ESRRG: variants seen among roughly 807,000 people sequenced by gnomAD.
The protein encoded by ESRRG is estrogen-related receptor gamma.
In ESRRG, 13 loss-of-function variants were observed where a neutral mutation model predicts 44.0. The observed-to-expected ratio is 0.30, with a 90% CI of 0.19 to 0.47. ESRRG has a LOEUF of 0.47. ESRRG is among the 20% of genes least tolerant of loss of function. The probability of loss-of-function intolerance (pLI) is 1.00; values close to 1 mark genes in which losing one functional copy is unlikely to be tolerated. For synonymous variants in ESRRG, 215 were observed against 214.6 expected (o/e 1.00, Z -0.02); for missense variants, 395 against 580.6 (o/e 0.68, Z 3.29).
At chr1:216,639,271 C>A (rs2065911690) in intron 3 of ESRRG, among the ~76,000 whole-genome samples, 1 of 152,050 alleles carries the variant, frequency 6.6e-6, no homozygotes, top group African/African-American at 2.4e-5. Context: ...CCCACCCGCT[C>A]CCAAAAAAGA....
chr1:216,550,003 A>C (rs1287442659), intron 5 of ESRRG, among the ~76,000 whole-genome samples: 1 of 152,108 alleles, frequency 6.6e-6, no homozygotes, highest in Non-Finnish European at 1.5e-5. Flanking sequence ...AAGTCAGTTC[A>C]AGTCCTTACA....
chr1:216,566,101 A>T (rs2059640984), intron 4 of ESRRG, among the ~76,000 whole-genome samples: 1 of 152,110 alleles, frequency 6.6e-6, no homozygotes, highest in African/African-American at 2.4e-5. Context: ...CAGAAAATGG[A>T]ATAGCCGGCA....
chr1:216,599,486 T>G (rs1457294348), intron 3 of ESRRG, among the ~76,000 whole-genome samples: 5 of 152,158 alleles, frequency 3.3e-5, no homozygotes, highest in Admixed American at 1.3e-4. Flanking sequence ...ATCCTTTCGA[T>G]TTTTACCCAA....
At chr1:216,551,245 C>T (rs1255322543) in intron 5 of ESRRG, among the ~76,000 whole-genome samples, 1 of 152,116 alleles carries the variant, frequency 6.6e-6, no homozygotes, top group Non-Finnish European at 1.5e-5. Context: ...ATAGTAGGCT[C>T]TTAATATATA....
At chr1:216,577,334 C>A (rs1171227304) in intron 3 of ESRRG, among the ~76,000 whole-genome samples, 2 of 152,020 alleles carry the variant, frequency 1.3e-5, no homozygotes, top group Non-Finnish European at 2.9e-5. Flanking sequence ...TCATACATAT[C>A]TAAACTATAT....
intron 1 of ESRRG, among the ~76,000 whole-genome samples, chr1:216,988,932 T>C (rs1164431179): frequency 6.6e-6 from 1 of 152,176 alleles, no homozygotes; most frequent in Non-Finnish European, 1.5e-5. Context: ...AGTTTTCCAG[T>C]CCACTAAAAT....
intron 2 of ESRRG, among the ~76,000 whole-genome samples, chr1:216,735,351 C>T (rs2089678109): frequency 1.3e-5 from 2 of 149,090 alleles, no homozygotes; most frequent in Non-Finnish European, 3.0e-5. Flanking sequence ...TGGGTGTGTG[C>T]CACCATACCC....
intron 2 of ESRRG, among the ~76,000 whole-genome samples, chr1:216,841,721 G>T (rs964115930): frequency 6.6e-6 from 1 of 152,042 alleles, no homozygotes; most frequent in African/African-American, 2.4e-5. Context: ...CCTGTAGTTT[G>T]GAATAAAAGA....
At chr1:216,586,409 G>A (rs1211619515) in intron 3 of ESRRG, among the ~76,000 whole-genome samples, 1 of 152,038 alleles carries the variant, frequency 6.6e-6, no homozygotes, top group African/African-American at 2.4e-5. Context: ...CAAGCTTAAG[G>A]TAAATTAAAA....
chr1:216,638,481 C>T lies in ESRRG; in HGVS notation c.589+12492G>A, dbSNP rs536696853. 2.7e-4 allele frequency among the ~76,000 whole-genome samples: 41 copies of T among 152,258 alleles called. 1 individual carries two copies. The highest frequency in any genetic ancestry group is 5.4e-4 in the Non-Finnish European group (37 of 68,010). On this transcript the variant is annotated intron_variant, in intron 3 of 6. Coordinates refer to ENST00000408911, the MANE Select transcript of ESRRG (RefSeq NM_001438.4). ...GACTGACTTCCTTAGTTGCATTAGA[C>T]ACATTTCAAGGGCTCAATCAATAGT... is the stretch of plus-strand genomic sequence containing the variant.
intron 1 of ESRRG, among the ~76,000 whole-genome samples, chr1:217,029,387 G>T (rs1451761011): frequency 6.6e-6 from 1 of 152,220 alleles, no homozygotes; most frequent in Non-Finnish European, 1.5e-5. Context: ...AGGAAACTGA[G>T]CAGGCCCACG....
At chr1:216,728,589 T>C (rs1451809027) in intron 2 of ESRRG, among the ~76,000 whole-genome samples, 1 of 152,040 alleles carries the variant, frequency 6.6e-6, no homozygotes. Context: ...CATGCTTTGA[T>C]ACCAGTAAAA....
Position 216,932,137 on chromosome 1 carries a change from G to A in ESRRG, c.-14+7445C>T, listed in dbSNP as rs186843050. Among the ~76,000 whole-genome samples, 6 of 152,284 alleles carry A rather than the reference G, an allele frequency of 3.9e-5. No homozygotes were observed. The East Asian group carries it at 1.2e-3, about 29-fold the overall frequency. ...GAAAATTGCTTGAATCCAGGAGGCA[G>A]AAGTTGCAGTGAGCTGAGATTGTAC... On this transcript the variant is annotated intron_variant, in intron 2 of 7. Coordinates refer to the ESRRG transcript ENST00000359162.
At chr1:216,913,389 G>T (rs1017533749) in intron 2 of ESRRG, among the ~76,000 whole-genome samples, 3 of 151,790 alleles carry the variant, frequency 2.0e-5, no homozygotes, top group Admixed American at 1.3e-4. Context: ...GGGGGTGGGG[G>T]TGGCTACTGG....
At chr1:216,919,437 A>G (rs1378121223) in intron 2 of ESRRG, among the ~76,000 whole-genome samples, 1 of 152,224 alleles carries the variant, frequency 6.6e-6, no homozygotes, top group Non-Finnish European at 1.5e-5. Context: ...GAGACCAATC[A>G]TACAGCTAGA....
intron 1 of ESRRG, among the ~76,000 whole-genome samples, chr1:217,072,719 C>T (rs980763069): frequency 1.3e-5 from 2 of 151,300 alleles, no homozygotes; most frequent in Admixed American, 6.6e-5. Context: ...TGTTTTTTCT[C>T]CTATGACACG....
chr1:216,784,321 C>T (rs537104167), intron 2 of ESRRG, among the ~76,000 whole-genome samples: 1 of 151,960 alleles, frequency 6.6e-6, no homozygotes, highest in Non-Finnish European at 1.5e-5. Context: ...GATAAGAATA[C>T]TTTTGCTTTG....
chr1:216,836,561 G>T (rs371535180), intron 2 of ESRRG, among the ~76,000 whole-genome samples: 4 of 152,088 alleles, frequency 2.6e-5, no homozygotes, highest in African/African-American at 7.2e-5. Flanking sequence ...CCGGGGAAGC[G>T]CCAGGAAAAC....
intron 1 of ESRRG, among the ~76,000 whole-genome samples, chr1:217,033,075 C>G (rs181539520): frequency 6.6e-4 from 101 of 152,284 alleles, no homozygotes; most frequent in African/African-American, 2.3e-3. Context: ...TAGAAAGTCA[C>G]CCCTGAAACC....
Sources: gnomAD v4.1 joint callset for allele counts (sites outside exome capture counted in the v4.1 genomes callset) on GRCh38, gnomAD v4.1.1 for gene constraint, MANE v1.5 for transcripts, NCBI Gene and HGNC (gene_info 2026-07-23, HGNC 2026-07-21) for gene names.